The following ZNF91 variants were observed in gnomAD, a reference collection of about 807,000 sequenced individuals.
The protein encoded by ZNF91 is zinc finger protein 91 (HPF7, HTF10).
ZNF91 carries 7 observed loss-of-function variants against 12.6 expected under a neutral mutation model. The ratio of observed to expected loss-of-function variants is 0.55; its 90% CI spans 0.31 to 1.04. ZNF91 has a LOEUF of 1.04. Among genes scored for constraint, ZNF91 ranks in the 50% least tolerant of loss-of-function variants. The probability of loss-of-function intolerance (pLI) is 0.05; values close to 1 mark genes in which losing one functional copy is unlikely to be tolerated. For missense variants in ZNF91, 1,217 were observed against 1,385.4 expected (o/e 0.88, Z 1.93); for synonymous variants, 453 against 462.6 (o/e 0.98, Z 0.27).
chr19:23,361,139 A>G lies in ZNF91; in HGVS notation c.1840T>C (p.Ser614Pro), dbSNP rs761300886. Residue 614 changes from serine to proline, a missense_variant, in exon 4 of 4, where the codon TCC becomes CCC. By Grantham distance (74) the Ser-to-Pro change is moderately conservative. This residue lies in a region of ZNF91 where 726 missense variants were observed against 895.5 expected (regional missense o/e 0.81). Coordinates refer to ENST00000300619, the MANE Select transcript of ZNF91 (RefSeq NM_003430.4). ...CTCTTATGTCTTCTTAGGGTTGAGG[A>G]CCATAGAAATGCTTTGCCACATTCT... Reference protein sequence around the residue: ...CEECGKAFLWSSTLRRHKRIH... With the variant: ...CEECGKAFLWPSTLRRHKRIH... 6.2e-7 allele frequency: 1 copy of G among 1,613,568 alleles called. No individual in the cohort carries two copies. The highest frequency in any genetic ancestry group is 1.7e-5 in the Admixed American group (1 of 59,988).
In ZNF91 at chr19:23,395,459, G is replaced by A. The variant is rs1487905903; in HGVS notation, c.-105C>T. 8 of 1,402,858 alleles carry A rather than the reference G, an allele frequency of 5.7e-6. No homozygotes were observed. In the South Asian group the frequency reaches 7.5e-5, roughly 13 times the overall value. 86.9% of individuals were successfully genotyped at this position (1,402,858 alleles called of 1,614,324 possible). On this transcript the variant is annotated 5_prime_UTR_variant, in exon 1 of 4. Transcript: ENST00000300619. The stretch of plus-strand genomic sequence containing the variant: ...GAAGTCGAGACCTGGAAACTCCGGC[G>A]GCAGCGAGAGACAAAGGCCCAGCCA...
At position 23,359,226 on chromosome 19, in the gene ZNF91, CTTT is replaced by C. The variant is rs71163490; in HGVS notation, c.*174_*176del. 2.7e-3 allele frequency: 958 copies of C among 349,116 alleles called. 3 individuals are homozygous for C. The highest frequency in any genetic ancestry group is 0.016 in the South Asian group (504 of 32,350). The allele number at this position is 349,116 out of a possible 1,614,324, so 21.6% of individuals were successfully genotyped here. ...AGGGTTTCTCTCTAGTATGAATTTT[CTTT>C]TTTTTTTTTTTGAGACGGAGTCTCG... is the stretch of plus-strand genomic sequence containing the variant. On this transcript the variant is annotated 3_prime_UTR_variant, in exon 4 of 4. Coordinates refer to ENST00000300619, the MANE Select transcript of ZNF91 (RefSeq NM_003430.4).
chr19:23,373,674 A>G (rs1456641029), intron 3 of ZNF91, 68 bp downstream of exon 3: 2 of 1,295,588 alleles, frequency 1.5e-6, no homozygotes, highest in African/African-American at 3.0e-5. Flanking sequence ...AGATCACTTT[A>G]AAGACCTGCT....
At chr19:23,334,327 C>G (rs556788488), downstream of ZNF91, among the ~76,000 whole-genome samples, 434 of 152,138 alleles carry the variant, frequency 2.9e-3, 2 homozygotes, top group African/African-American at 0.01. Context: ...CTGTTATGAG[C>G]CATCAAATGT....
chr19:23,344,387 C>T (rs1968180012), intron 3 of ZNF91, among the ~76,000 whole-genome samples: 1 of 152,002 alleles, frequency 6.6e-6, no homozygotes, highest in African/African-American at 2.4e-5. Context: ...AGCCACCGCG[C>T]CCGGCAAAAA....
chr19:23,360,195 A>T lies in ZNF91; in HGVS notation c.2784T>A (p.His928Gln). Residue 928 changes from histidine (H) to glutamine (Q), a missense_variant, in exon 4 of 4, where the codon CAT (histidine) becomes CAA (glutamine). Coordinates refer to ENST00000300619, the MANE Select transcript of ZNF91 (RefSeq NM_003430.4). ...AFSQPSHLTT[H>Q]KRMHTGEKPY... ...GTTTCTCTCCAGTGTGCATCCTCTT[A>T]TGTGTAGTAAGGTGTGAAGGCTGGC... The T allele has an allele frequency of 6.2e-7, 1 of 1,613,736 alleles. No individual in the cohort carries two copies.
upstream of ZNF91, among the ~76,000 whole-genome samples, chr19:23,315,181 G>A (rs1967533990): frequency 6.6e-6 from 1 of 152,148 alleles, no homozygotes; most frequent in Non-Finnish European, 1.5e-5. Context: ...AAATTGTAAT[G>A]TTTCAATGGA....
At chr19:23,385,625 G>A (rs55876416) in intron 1 of ZNF91, among the ~76,000 whole-genome samples, 15,151 of 152,106 alleles carry the variant, frequency 0.1, 1,058 homozygotes, top group African/African-American at 0.19. Context: ...AGGGCTGGAC[G>A]TGTCACATTA....
chr19:23,395,211 G>T, intron 1 of ZNF91, 114 bp downstream of exon 1: 1 of 1,337,856 alleles, frequency 7.5e-7, no homozygotes, highest in East Asian at 2.3e-5. Context: ...AGGAGAACCC[G>T]GGCACGGATT....
chr19:23,378,980 G>A (rs1969605455), intron 1 of ZNF91, among the ~76,000 whole-genome samples: 1 of 151,466 alleles, frequency 6.6e-6, no homozygotes, highest in East Asian at 2.0e-4. Flanking sequence ...GACATCTCTT[G>A]TATGAGGGGA....
chr19:23,340,496 T>C (rs73924574), intron 3 of ZNF91, among the ~76,000 whole-genome samples: 2,042 of 152,082 alleles, frequency 0.013, 47 homozygotes, highest in African/African-American at 0.046. Flanking sequence ...ATAGAGTACC[T>C]GAACAAACCA....
At chr19:23,344,389 C>T (rs1214608856) in intron 3 of ZNF91, among the ~76,000 whole-genome samples, 2 of 151,914 alleles carry the variant, frequency 1.3e-5, no homozygotes, top group Admixed American at 6.6e-5. Context: ...CCACCGCGCC[C>T]GGCAAAAAAC....
chr19:23,312,592 G>C (rs1967488569), upstream of ZNF91, among the ~76,000 whole-genome samples: 1 of 152,142 alleles, frequency 6.6e-6, no homozygotes, highest in African/African-American at 2.4e-5. Context: ...TTGAGATTGT[G>C]ACTATCATAC....
At chr19:23,385,076 A>C in intron 1 of ZNF91, 3 of 1,007,360 alleles carry the variant, frequency 3.0e-6, no homozygotes, top group Non-Finnish European at 4.7e-6. Flanking sequence ...CAGTCCAGAC[A>C]GGGCAGGGAC....
At chr19:23,331,663 G>T (rs1341117868) in intron 1 of ZNF91, among the ~76,000 whole-genome samples, 1 of 152,146 alleles carries the variant, frequency 6.6e-6, no homozygotes, top group African/African-American at 2.4e-5. Context: ...TGAACATGGT[G>T]GTCTGTGTGT....
Position 23,384,554 on chromosome 19 carries a change from CTG to C in ZNF91, c.31-9792_31-9791del, listed in dbSNP as rs1177140991. 107 of 1,153,570 alleles carry C rather than the reference CTG, an allele frequency of 9.3e-5. 1 individual carries two copies. The South Asian group carries it at 3.1e-3, about 34-fold the overall frequency. 71.5% of individuals were successfully genotyped at this position (1,153,570 alleles called of 1,614,324 possible). On this transcript the variant is annotated intron_variant, in intron 1 of 3. Transcript: ENST00000300619. Reference sequence around the variant, plus strand: ...AATGCCAGCCAAGGCCCCAATTTACCTGAAAGCAGCCAATAACAAGAAAGGAA... The same window carrying C: ...AATGCCAGCCAAGGCCCCAATTTACCAAAGCAGCCAATAACAAGAAAGGAA...
intron 1 of ZNF91, chr19:23,327,870 TCTTAA>T (rs1166651744): frequency 5.3e-5 from 8 of 152,080 alleles, no homozygotes; most frequent in Non-Finnish European, 7.4e-5. Flanking sequence ...CTTAAAGGAG[TCTTAA>T]CTTGTGTTTC....
intron 1 of ZNF91, among the ~76,000 whole-genome samples, chr19:23,329,980 G>A (rs1967898882): frequency 1.3e-5 from 2 of 152,146 alleles, no homozygotes; most frequent in African/African-American, 2.4e-5. Context: ...TGGCTGCACA[G>A]CCATCCTCTT....
intron 1 of ZNF91, chr19:23,324,158 C>T (rs116046671): frequency 0.024 from 3,536 of 148,522 alleles, 129 homozygotes; most frequent in African/African-American, 0.084. Context: ...CTCTTTTCCT[C>T]ATTCTTTTCT....
Sources: allele counts gnomAD v4.1 joint callset (sites outside exome capture counted in the v4.1 genomes callset), GRCh38; gene constraint gnomAD v4.1.1; regional missense constraint gnomAD v4.1.1; transcripts MANE v1.5; gene names NCBI Gene and HGNC (gene_info 2026-07-23, HGNC 2026-07-21).